GPC1: variants seen among roughly 807,000 people sequenced by gnomAD.
GPC1 encodes glypican 1.
Under a neutral mutation model 51.5 loss-of-function variants are expected in GPC1, and 26 were observed. The ratio of observed to expected loss-of-function variants is 0.50; its 90% CI spans 0.37 to 0.70. The LOEUF is 0.70. GPC1 is among the 30% of genes least tolerant of loss of function. The pLI is 0.00. For missense variants in GPC1, 775 were observed against 800.5 expected, an observed-to-expected ratio of 0.97 and a Z score of 0.38; for synonymous variants, 380 against 348.3, an observed-to-expected ratio of 1.09 and a Z score of -1.01.
rs2074245315 is a variant in GPC1, at chr2:240,464,680, C to T, written c.948C>T (p.Ser316=). The change falls in exon 5 of 9, where the codon AGC becomes AGT. Residue 316 remains serine, a synonymous_variant. Coordinates refer to ENST00000264039, the MANE Select transcript of GPC1 (RefSeq NM_002081.3). ...GTSGVESVIG[S]VHTWLAEAIN... is the part of the protein sequence containing the mutation. ...CGGGTGTGGAGAGTGTCATCGGCAG[C>T]GTGCACACGTGGCTGGCGGAGGCCA... The T allele has an allele frequency of 9.3e-6, 15 of 1,612,796 alleles. No individual in the cohort carries two copies. In the Middle Eastern group the frequency reaches 4.9e-4, roughly 53 times the overall value.
At chr2:240,447,544 A>G (rs980674908) in intron 1 of GPC1, among the ~76,000 whole-genome samples, 3 of 152,186 alleles carry the variant, frequency 2.0e-5, no homozygotes, top group Non-Finnish European at 2.9e-5. Flanking sequence ...CCTCTGGGGA[A>G]AGCCACACCC....
intron 1 of GPC1, chr2:240,457,616 C>T (rs2074178835): frequency 5.2e-6 from 2 of 384,598 alleles, no homozygotes; most frequent in South Asian, 1.9e-5. Flanking sequence ...AGTGGGGCTA[C>T]AGATCCCTGC....
At position 240,462,489 on chromosome 2, in the gene GPC1, G is replaced by C. The variant is rs1356968755; in HGVS notation, c.624G>C (p.Glu208Asp). 1 of 1,598,442 alleles carries C rather than the reference G, an allele frequency of 6.3e-7. No individual in the cohort carries two copies. The highest frequency in any genetic ancestry group is 8.5e-7 in the Non-Finnish European group (1 of 1,173,666). ...GGCCCTTCGGGGAGGCCCCGAGAGA[G>C]CTGCGCCTGCGGGCCACCCGTGCCT... The part of the protein sequence containing the change: ...ALRPFGEAPR[E>D]LRLRATRAFV... The change falls in exon 3 of 9, where the codon GAG (glutamate) becomes GAC (aspartate). Residue 208 changes from glutamate to aspartate, a missense_variant. Transcript: ENST00000264039.
intron 1 of GPC1, among the ~76,000 whole-genome samples, chr2:240,440,767 C>T (rs112592249): frequency 0.13 from 18,537 of 141,062 alleles, 567 homozygotes; most frequent in African/African-American, 0.21. Context: ...TCCCTGCCTC[C>T]GGTCCTGCCC....
At chr2:240,437,406 G>A (rs1046726395) in intron 1 of GPC1, among the ~76,000 whole-genome samples, 4 of 151,918 alleles carry the variant, frequency 2.6e-5, no homozygotes, top group African/African-American at 9.7e-5. Context: ...CCCCACAGAA[G>A]GAACAGAACC....
At chr2:240,460,245 C>T (rs1440546969) in intron 2 of GPC1, among the ~76,000 whole-genome samples, 1 of 152,112 alleles carries the variant, frequency 6.6e-6, no homozygotes, top group Non-Finnish European at 1.5e-5. Flanking sequence ...GCTCAGAGCT[C>T]AGCCCTCCCC....
intron 2 of GPC1, among the ~76,000 whole-genome samples, chr2:240,459,599 G>T (rs939328343): frequency 2.0e-5 from 3 of 152,196 alleles, no homozygotes; most frequent in Non-Finnish European, 4.4e-5. Context: ...GAGCCAGGGA[G>T]CTCAGTGCAA....
rs753015895 is a variant in GPC1, at chr2:240,448,313, A to G, written c.167-10717A>G. On this transcript the variant is annotated intron_variant, in intron 1 of 8. Transcript: ENST00000264039. This position sits in a 1 kb window ranked among gnomAD's most constrained non-coding sequence, Gnocchi z 4.5. ...GTGCCCGCCCCAGGCAGTGTCCCCAACCTCTGCCCAGAGCCATCTCATGGG... is the reference window on the plus strand; with the variant it reads ...GTGCCCGCCCCAGGCAGTGTCCCCAGCCTCTGCCCAGAGCCATCTCATGGG... Among the ~76,000 whole-genome samples the G allele has an allele frequency of 3.3e-5, 5 of 150,874 alleles. No individual in the cohort carries two copies. Among genetic ancestry groups the G allele is most frequent in the African/African-American group, 7.3e-5 (3 of 41,106 alleles).
intron 2 of GPC1, 88 bp downstream of exon 2, chr2:240,459,276 C>A (rs977387050): frequency 3.2e-6 from 4 of 1,269,386 alleles, no homozygotes; most frequent in South Asian, 1.4e-5. Flanking sequence ...TGTGTCAATG[C>A]CAAGGGTGGG....
chr2:240,454,611 C>A (rs1559198730), intron 1 of GPC1, among the ~76,000 whole-genome samples: 1 of 152,234 alleles, frequency 6.6e-6, no homozygotes, highest in Non-Finnish European at 1.5e-5. Flanking sequence ...GCACACAGCC[C>A]TACTCCAGCA....
Position 240,459,261 on chromosome 2 carries a change from C to T in GPC1, c.325+73C>T, listed in dbSNP as rs1204868191. On this transcript the variant is annotated intron_variant, in intron 2 of 8. Transcript: ENST00000264039. ...CGGGGGAGGGGCACACTGGGCCTTG[C>T]CTGGTGTGTCAATGCCAAGGGTGGG... 64 of 1,390,298 alleles carry T rather than the reference C, an allele frequency of 4.6e-5. No homozygotes were observed. In the South Asian group the frequency reaches 6.7e-4, roughly 15 times the overall value. The allele number at this position is 1,390,298 out of a possible 1,614,324, so 86.1% of individuals were successfully genotyped here.
At chr2:240,460,162 G>A (rs892341489) in intron 2 of GPC1, among the ~76,000 whole-genome samples, 2 of 152,108 alleles carry the variant, frequency 1.3e-5, no homozygotes, top group African/African-American at 4.8e-5. Context: ...ACAGGGCTGT[G>A]GGACCTCAGC....
chr2:240,463,412 A>T lies in GPC1; in HGVS notation c.783A>T (p.Gly261=). The T allele has an allele frequency of 6.2e-7, 1 of 1,612,620 alleles. No homozygotes were observed. Among genetic ancestry groups the T allele is most frequent in the Non-Finnish European group, 8.5e-7 (1 of 1,179,660 alleles). The change falls in exon 4 of 9, where the codon GGA becomes GGT. Residue 261 remains glycine (G), a synonymous_variant. Transcript: ENST00000264039. ...MKLVYCAHCL[G]VPGARPCPDY... ...TGGTCTACTGTGCTCACTGCCTGGG[A>T]GTCCCCGGCGCCAGGCCCTGCCCTG...
rs780671031 is a variant in GPC1, at chr2:240,462,277, G to T, written c.412G>T (p.Ala138Ser). The T allele has an allele frequency of 6.2e-7, 1 of 1,610,126 alleles. No homozygotes were observed. Among genetic ancestry groups the T allele is most frequent in the Non-Finnish European group, 8.5e-7 (1 of 1,178,822 alleles). Residue 138 changes from alanine to serine, a missense_variant, in exon 3 of 9, where the codon GCG becomes TCG. Coordinates refer to ENST00000264039, the MANE Select transcript of GPC1 (RefSeq NM_002081.3). The part of the protein sequence containing the change: ...GAFGELYTQN[A>S]RAFRDLYSEL... ...CTTCGGAGAGCTGTACACGCAGAACGCGAGGGCCTTCCGGGACCTGTACTC... is the reference window on the plus strand; with the variant it reads ...CTTCGGAGAGCTGTACACGCAGAACTCGAGGGCCTTCCGGGACCTGTACTC...
At chr2:240,444,618 CTG>C (rs1276973546) in intron 1 of GPC1, among the ~76,000 whole-genome samples, 1 of 152,238 alleles carries the variant, frequency 6.6e-6, no homozygotes, top group East Asian at 1.9e-4. Flanking sequence ...GTAGGGAAGT[CTG>C]TGGCCTGTGC....
intron 1 of GPC1, chr2:240,457,932 T>C (rs1026881987): frequency 1.5e-5 from 6 of 411,166 alleles, no homozygotes; most frequent in Admixed American, 1.1e-4. Flanking sequence ...CCCACCCCTC[T>C]GACCAAGCCA....
intron 1 of GPC1, chr2:240,456,734 G>C (rs973552245): frequency 4.7e-6 from 2 of 421,934 alleles, no homozygotes; most frequent in African/African-American, 4.1e-5. Flanking sequence ...GAAAGGACCC[G>C]GAGGGGCGGT....
intron 1 of GPC1, among the ~76,000 whole-genome samples, chr2:240,449,007 G>A (rs1211800041): frequency 6.6e-6 from 1 of 152,126 alleles, no homozygotes; most frequent in East Asian, 1.9e-4. Flanking sequence ...GCCTTAGGGA[G>A]AAGTCTGAGA....
At chr2:240,444,570 A>G (rs995621661) in intron 1 of GPC1, among the ~76,000 whole-genome samples, 13 of 149,422 alleles carry the variant, frequency 8.7e-5, no homozygotes, top group African/African-American at 3.2e-4. Context: ...CCTCCCCGGC[A>G]GGGGTGCTTC....
Sources: allele counts gnomAD v4.1 joint callset (sites outside exome capture counted in the v4.1 genomes callset), GRCh38; gene constraint gnomAD v4.1.1; non-coding constraint Gnocchi (gnomAD v3.1); transcripts MANE v1.5; gene names NCBI Gene and HGNC (gene_info 2026-07-23, HGNC 2026-07-21).